Variants in DOCK1 observed in about 807,000 individuals in gnomAD.
The protein encoded by DOCK1 is dedicator of cytokinesis 1.
In DOCK1, 138 loss-of-function variants were observed where a neutral mutation model predicts 262.7. That is an observed-to-expected ratio of 0.53 (90% confidence interval 0.46 to 0.61). The LOEUF is 0.61. Among genes scored for constraint, DOCK1 ranks in the 20% least tolerant of loss-of-function variants. The probability of loss-of-function intolerance (pLI) is 0.00; values close to 1 mark genes in which losing one functional copy is unlikely to be tolerated. For missense variants in DOCK1, 1,908 were observed against 2,370.7 expected, an observed-to-expected ratio of 0.80 and a Z score of 4.05; for synonymous variants, 866 against 867.4, an observed-to-expected ratio of 1.00 and a Z score of 0.03.
At chr10:127,280,572 A>G (rs549340666) in intron 29 of DOCK1, among the ~76,000 whole-genome samples, 62 of 152,288 alleles carry the variant, frequency 4.1e-4, no homozygotes, top group African/African-American at 1.3e-3. Flanking sequence ...AAAGTTGGCA[A>G]TTTGTTCATT....
At position 127,246,128 on chromosome 10, in the gene DOCK1, T is replaced by A. The variant is rs537034008; in HGVS notation, c.2848-1880T>A. Reference sequence around the variant, plus strand: ...GAGGAAAGTGAATCTCTACCTTGTGTTGGTCATCAGAAGTGGCTTCAGATT... The same window carrying A: ...GAGGAAAGTGAATCTCTACCTTGTGATGGTCATCAGAAGTGGCTTCAGATT... On this transcript the variant is annotated intron_variant, in intron 27 of 51. Transcript: ENST00000623213. Among the ~76,000 whole-genome samples the A allele has an allele frequency of 2.3e-4, 35 of 152,306 alleles. No homozygotes were observed. The South Asian group carries it at 7.3e-3, about 32-fold the overall frequency.
intron 27 of DOCK1, among the ~76,000 whole-genome samples, chr10:127,238,670 G>A (rs1431008240): frequency 1.3e-5 from 2 of 152,172 alleles, no homozygotes; most frequent in East Asian, 1.9e-4. Flanking sequence ...CATCCCACAC[G>A]TGGCCAGGGG....
intron 27 of DOCK1, among the ~76,000 whole-genome samples, chr10:127,140,495 C>T (rs772348774): frequency 2.6e-5 from 4 of 152,154 alleles, no homozygotes; most frequent in Non-Finnish European, 4.4e-5. Flanking sequence ...AGTGGATCTG[C>T]GTGTGGGATG....
At position 127,175,467 on chromosome 10, in the gene DOCK1, G is replaced by C. The variant is rs759630403; in HGVS notation, c.2847+47703G>C. ...ACATTCGGGGGACAGGCACTGCATC[G>C]GGGGTGAGCAGGCCAGGGCAGTTTC... is the stretch of plus-strand genomic sequence containing the variant. On this transcript the variant is annotated intron_variant, in intron 27 of 51. Coordinates refer to ENST00000623213, the MANE Select transcript of DOCK1 (RefSeq NM_001290223.2). This position sits in a 1 kb window ranked among gnomAD's most constrained non-coding sequence, Gnocchi z 6.3. The C allele has an allele frequency of 3.1e-6, 5 of 1,610,002 alleles. No individual in the cohort carries two copies. The Admixed American group carries it at 6.7e-5, about 21-fold the overall frequency.
In DOCK1 at chr10:127,012,777, C is replaced by T. The variant is rs561544934; in HGVS notation, c.1201+403C>T. 6.6e-6 allele frequency among the ~76,000 whole-genome samples: 1 copy of T among 151,864 alleles called. No individual in the cohort carries two copies. The highest frequency in any genetic ancestry group is 6.6e-5 in the Admixed American group (1 of 15,260). ...AGTTCTGTCATTTAAGTGATTTCTCCGCCCCTACACTCCGCCTCACACTCA... is the reference window on the plus strand; with the variant it reads ...AGTTCTGTCATTTAAGTGATTTCTCTGCCCCTACACTCCGCCTCACACTCA... On this transcript the variant is annotated intron_variant, in intron 12 of 51. Coordinates refer to ENST00000623213, the MANE Select transcript of DOCK1 (RefSeq NM_001290223.2). The surrounding 1 kb of genome is among the most constrained non-coding windows in gnomAD (Gnocchi z 4.0).
At chr10:127,287,346 T>C (rs1205166015) in intron 29 of DOCK1, among the ~76,000 whole-genome samples, 30 of 151,922 alleles carry the variant, frequency 2.0e-4, no homozygotes, top group East Asian at 1.9e-4. Context: ...TGCACCACCA[T>C]GCCCAGCTAA....
At chr10:127,015,647 C>T (rs1016169874) in intron 12 of DOCK1, among the ~76,000 whole-genome samples, 8 of 152,158 alleles carry the variant, frequency 5.3e-5, no homozygotes, top group Non-Finnish European at 1.2e-4. Flanking sequence ...CTCCTCCTAC[C>T]CCAACTCCCC....
intron 29 of DOCK1, among the ~76,000 whole-genome samples, chr10:127,282,363 G>A (rs1358141297): frequency 6.6e-6 from 1 of 152,174 alleles, no homozygotes; most frequent in Non-Finnish European, 1.5e-5. Flanking sequence ...ATGGAAAAGA[G>A]GACAAAGGCA....
At chr10:127,130,596 C>T (rs1034571126) in intron 27 of DOCK1, among the ~76,000 whole-genome samples, 1 of 152,154 alleles carries the variant, frequency 6.6e-6, no homozygotes, top group Non-Finnish European at 1.5e-5. Flanking sequence ...CCATGTGGTC[C>T]AGGATGTCTT....
At chr10:127,394,966 G>C (rs1379185572) in intron 38 of DOCK1, among the ~76,000 whole-genome samples, 1 of 152,212 alleles carries the variant, frequency 6.6e-6, no homozygotes, top group Non-Finnish European at 1.5e-5. Context: ...TGGAGAGCTA[G>C]AGAAGACTTC....
Position 126,924,450 on chromosome 10 carries a change from C to G in DOCK1, c.46+18887C>G, listed in dbSNP as rs180939258. 4.9e-3 allele frequency among the ~76,000 whole-genome samples: 532 copies of G among 108,760 alleles called. 7 individuals are homozygous for G. Among genetic ancestry groups the G allele is most frequent in the African/African-American group, 0.018 (502 of 27,582 alleles). 71.4% of individuals were successfully genotyped at this position (108,760 alleles called of 152,430 possible). A position where few individuals can be genotyped will look rare whatever the true frequency, so the allele number is the denominator to read the frequency against. ...GGCTGTGAGTGCTGGAACTCAGTAG[C>G]GGGAGGCTGTGCATGCTGGAACTCA... On this transcript the variant is annotated intron_variant, in intron 1 of 51. Transcript: ENST00000623213.
intron 43 of DOCK1, among the ~76,000 whole-genome samples, chr10:127,412,273 T>A (rs1025392968): frequency 2.0e-5 from 3 of 152,186 alleles, no homozygotes; most frequent in African/African-American, 7.2e-5. Context: ...TAGAGCCTTT[T>A]AAAAATTCTA....
At chr10:127,336,703 C>A (rs2063211015) in intron 29 of DOCK1, among the ~76,000 whole-genome samples, 1 of 152,100 alleles carries the variant, frequency 6.6e-6, no homozygotes, top group Non-Finnish European at 1.5e-5. Context: ...CCACACCCAG[C>A]TAATTTTTTG....
intron 38 of DOCK1, among the ~76,000 whole-genome samples, chr10:127,402,432 C>A (rs1316132015): frequency 6.6e-6 from 1 of 152,166 alleles, no homozygotes; most frequent in Non-Finnish European, 1.5e-5. Context: ...AAAAGCTTAT[C>A]AACATTTTAA....
rs139004634 is a variant in DOCK1 at position 127,049,025 on chromosome 10, G to A, written c.2202-3656G>A. Among the ~76,000 whole-genome samples the A allele has an allele frequency of 7.4e-3, 1,119 of 151,914 alleles. 16 individuals carry two copies. Among genetic ancestry groups the A allele is most frequent in the African/African-American group, 0.025 (1,053 of 41,458 alleles). On this transcript the variant is annotated intron_variant, in intron 21 of 51. Transcript: ENST00000623213. ...TAGTAAAGCAAGAAGAAATAAATGC[G>A]GGTATAACAATTGGAAAGAAAAACT...
At chr10:127,403,687 A>T (rs2067352643) in intron 39 of DOCK1, among the ~76,000 whole-genome samples, 1 of 152,172 alleles carries the variant, frequency 6.6e-6, no homozygotes, top group Admixed American at 6.5e-5. Context: ...TGAACCCAGG[A>T]GGTGGAAGTT....
At chr10:127,430,128 T>A (rs989514351) in intron 47 of DOCK1, among the ~76,000 whole-genome samples, 2 of 152,064 alleles carry the variant, frequency 1.3e-5, no homozygotes, top group Non-Finnish European at 2.9e-5. Context: ...GGAGTCACCC[T>A]TCCTCCCTCA....
At chr10:127,346,580 A>T (rs760181405) in intron 31 of DOCK1, among the ~76,000 whole-genome samples, 9 of 152,122 alleles carry the variant, frequency 5.9e-5, no homozygotes, top group Non-Finnish European at 1.2e-4. Flanking sequence ...TGGCTGACAG[A>T]GTGAGACCGT....
chr10:127,271,799 A>G (rs1225177095), intron 29 of DOCK1, among the ~76,000 whole-genome samples: 1 of 152,246 alleles, frequency 6.6e-6, no homozygotes, highest in Non-Finnish European at 1.5e-5. Flanking sequence ...AATACATGAA[A>G]TACTTTTGTA....
Sources: gnomAD v4.1 joint callset for allele counts (sites outside exome capture counted in the v4.1 genomes callset) on GRCh38, gnomAD v4.1.1 for gene constraint, Gnocchi (gnomAD v3.1) non-coding constraint, MANE v1.5 for transcripts, NCBI Gene and HGNC (gene_info 2026-07-23, HGNC 2026-07-21) for gene names.